The following GPM6A variants were observed in gnomAD, a reference collection of about 807,000 sequenced individuals.
The protein encoded by GPM6A is neuronal membrane glycoprotein M6-a.
In GPM6A, 7 loss-of-function variants were observed where a neutral mutation model predicts 32.1. That is an observed-to-expected ratio of 0.22 (90% CI 0.12 to 0.41). GPM6A has a LOEUF of 0.41. Among genes scored for constraint, GPM6A ranks in the 10% least tolerant of loss-of-function variants. The pLI is 1.00. For synonymous variants in GPM6A, 130 were observed against 123.4 expected (o/e 1.05, Z -0.35); for missense variants, 235 against 347.2 (o/e 0.68, Z 2.57).
chr4:175,634,379 A>G lies in GPM6A; in HGVS notation c.*526T>C, dbSNP rs1338474780. 6.6e-6 allele frequency: 1 copy of G among 152,614 alleles called. No homozygotes were observed. The highest frequency in any genetic ancestry group is 1.5e-5 in the Non-Finnish European group (1 of 68,082). 9.5% of individuals were successfully genotyped at this position (152,614 alleles called of 1,614,324 possible). On this transcript the variant is annotated 3_prime_UTR_variant, in exon 7 of 7. Coordinates refer to ENST00000393658, the MANE Select transcript of GPM6A (RefSeq NM_201591.3). ...AAAACATGAACCAGGGCCTACAGTA[A>G]TATGGCCACTGATCTTCAGACAAAA...
At chr4:175,679,676 C>CTT in intron 2 of GPM6A, among the ~76,000 whole-genome samples, 1 of 152,290 alleles carries the variant, frequency 6.6e-6, no homozygotes, top group South Asian at 2.1e-4. Context: ...AGAGCCCACC[C>CTT]TTTTCCCCCA....
At chr4:175,938,808 T>A (rs1739321647) in intron 1 of GPM6A, among the ~76,000 whole-genome samples, 1 of 151,000 alleles carries the variant, frequency 6.6e-6, no homozygotes, top group Admixed American at 6.6e-5. Context: ...ACTGGCTTTA[T>A]CATTACACAT....
chr4:175,671,732 T>G (rs1375075007), intron 3 of GPM6A, among the ~76,000 whole-genome samples: 1 of 152,062 alleles, frequency 6.6e-6, no homozygotes, highest in Non-Finnish European at 1.5e-5. Context: ...GAAGGCAGTG[T>G]TGGGACAGCC....
At chr4:175,764,055 C>T (rs930771653) in intron 1 of GPM6A, among the ~76,000 whole-genome samples, 4 of 152,142 alleles carry the variant, frequency 2.6e-5, no homozygotes, top group Admixed American at 2.0e-4. Context: ...TTGAAGTGTA[C>T]AATTCAATAT....
intron 3 of GPM6A, among the ~76,000 whole-genome samples, chr4:175,663,175 C>A (rs1405408261): frequency 2.6e-5 from 4 of 152,156 alleles, no homozygotes; most frequent in African/African-American, 7.2e-5. Flanking sequence ...GCCATATAAT[C>A]CTGCCATCAA....
At chr4:175,729,854 ATATG>A (rs1731340547) in intron 1 of GPM6A, among the ~76,000 whole-genome samples, 1 of 146,744 alleles carries the variant, frequency 6.8e-6, no homozygotes, top group Non-Finnish European at 1.5e-5. Context: ...TTTAATGTAT[ATATG>A]TATTTAATGT....
rs566336174 is a variant in GPM6A at position 175,791,490 on chromosome 4, G to C, written c.37+20701C>G. ...TTGCTTCATTATTTGACATTAATTT[G>C]TAGACTGTTGGATGTATTGTTATAA... On this transcript the variant is annotated intron_variant, in intron 1 of 6. Transcript: ENST00000393658. Among the ~76,000 whole-genome samples the C allele has an allele frequency of 2.6e-5, 4 of 152,260 alleles. No homozygotes were observed. The South Asian group carries it at 8.3e-4, about 32-fold the overall frequency.
At chr4:175,771,566 A>AAAAAG (rs2111233322) in intron 1 of GPM6A, among the ~76,000 whole-genome samples, 1 of 151,940 alleles carries the variant, frequency 6.6e-6, no homozygotes, top group East Asian at 1.9e-4. Context: ...AAAAAAAAAA[A>AAAAAG]AAAAGAATTT....
intron 1 of GPM6A, among the ~76,000 whole-genome samples, chr4:175,743,192 TA>T (rs34420523): frequency 0.16 from 22,951 of 147,652 alleles, 2,018 homozygotes; most frequent in Non-Finnish European, 0.19. Context: ...TAACACTGAT[TA>T]AAAAAAAAAG....
At position 175,640,130 on chromosome 4, in the gene GPM6A, A is replaced by G. The variant is rs1741052467; in HGVS notation, c.683T>C (p.Met228Thr). 4 of 1,612,098 alleles carry G rather than the reference A, an allele frequency of 2.5e-6. No homozygotes were observed. The highest frequency in any genetic ancestry group is 3.4e-6 in the Non-Finnish European group (4 of 1,178,148). The change falls in exon 6 of 7, where the codon ATG becomes ACG. Residue 228 changes from methionine (M) to threonine (T), a missense_variant and splice_region_variant. This residue lies in a region of GPM6A where 107 missense variants were observed against 116.7 expected (regional missense o/e 0.92). Coordinates refer to ENST00000393658, the MANE Select transcript of GPM6A (RefSeq NM_201591.3). ...AGCACCAGCGCTTTGAGGTCTTACC[A>G]TAGCAATGACTGCTGCCCCAGCTCC... ...LAGAGAAVIA[M>T]VHYLMVLSAN...
chr4:175,927,984 C>A (rs1433691593), intron 1 of GPM6A, among the ~76,000 whole-genome samples: 1 of 152,016 alleles, frequency 6.6e-6, no homozygotes, highest in Non-Finnish European at 1.5e-5. Context: ...ACTCTTCTTG[C>A]CTTTAGTTTA....
At chr4:175,784,683 A>T (rs1733731703) in intron 1 of GPM6A, among the ~76,000 whole-genome samples, 1 of 152,126 alleles carries the variant, frequency 6.6e-6, no homozygotes, top group Non-Finnish European at 1.5e-5. Flanking sequence ...AGTCAATATC[A>T]TCATTAGCAT....
chr4:175,895,404 A>T (rs944901224), intron 1 of GPM6A, among the ~76,000 whole-genome samples: 1 of 152,200 alleles, frequency 6.6e-6, no homozygotes, highest in Non-Finnish European at 1.5e-5. Context: ...TTTTCAAAAA[A>T]AATGGTGAAT....
At chr4:175,693,829 C>T (rs766824393) in intron 2 of GPM6A, among the ~76,000 whole-genome samples, 5 of 152,030 alleles carry the variant, frequency 3.3e-5, no homozygotes, top group Non-Finnish European at 7.4e-5. Context: ...ATTGTAATCC[C>T]GAATGTCAGA....
intron 1 of GPM6A, among the ~76,000 whole-genome samples, chr4:175,887,937 T>C (rs1402301171): frequency 6.6e-6 from 1 of 151,908 alleles, no homozygotes; most frequent in South Asian, 2.1e-4. Flanking sequence ...TTCTATTTTG[T>C]ACAAGTTGTT....
At chr4:175,852,532 A>G (rs866070832) in intron 1 of GPM6A, among the ~76,000 whole-genome samples, 1 of 152,144 alleles carries the variant, frequency 6.6e-6, no homozygotes. Flanking sequence ...CTAGCCCTTT[A>G]TTGTGTCATG....
intron 1 of GPM6A, among the ~76,000 whole-genome samples, chr4:175,764,813 C>T (rs1036777188): frequency 6.6e-6 from 1 of 150,494 alleles, no homozygotes; most frequent in African/African-American, 2.4e-5. Context: ...TAACCTTCTC[C>T]TATAGCTCCA....
rs66569311 is a variant in GPM6A at position 175,820,500 on chromosome 4, C to CTTTTTTTTTTTTTTTT, written c.-22-8267_-22-8252dup. Among the ~76,000 whole-genome samples, 4 of 112,124 alleles carry CTTTTTTTTTTTTTTTT rather than the reference C, an allele frequency of 3.6e-5. 1 individual carries two copies. The highest frequency in any genetic ancestry group is 3.4e-5 in the African/African-American group (1 of 29,064). The allele number at this position is 112,124 out of a possible 152,430, so 73.6% of individuals were successfully genotyped here. ...GTAGGTTTTCTTTTTTCTTTTCTTTCTTTTTTTTTTTTTTTTTTGAGATGG... is the reference window on the plus strand; with the variant it reads ...GTAGGTTTTCTTTTTTCTTTTCTTTCTTTTTTTTTTTTTTTTTTTTTTTTTTTTTTTTTTGAGATGG... On this transcript the variant is annotated intron_variant, in intron 1 of 7. Coordinates refer to the GPM6A transcript ENST00000280187.
intron 1 of GPM6A, among the ~76,000 whole-genome samples, chr4:175,727,595 A>G (rs930098506): frequency 1.3e-5 from 2 of 152,200 alleles, no homozygotes; most frequent in Non-Finnish European, 2.9e-5. Flanking sequence ...CTGATTTGCC[A>G]TGGATTTGTG....
Sources: gnomAD v4.1 joint callset for allele counts (sites outside exome capture counted in the v4.1 genomes callset) on GRCh38, gnomAD v4.1.1 for gene constraint, gnomAD v4.1.1 regional missense constraint, MANE v1.5 for transcripts, NCBI Gene and HGNC (gene_info 2026-07-23, HGNC 2026-07-21) for gene names.